MDGA1: variants seen among roughly 807,000 people sequenced by gnomAD.
MDGA1 encodes the protein MAM domain-containing glycosylphosphatidylinositol anchor protein 1.
A neutral mutation model predicts 101.5 loss-of-function variants in MDGA1; 54 were observed. That is an observed-to-expected ratio of 0.53 (90% CI 0.43 to 0.67). The LOEUF is 0.67. Among genes scored for constraint, MDGA1 ranks in the 30% least tolerant of loss-of-function variants. The pLI is 0.00. For missense variants in MDGA1, 1,083 were observed against 1,323.8 expected, an observed-to-expected ratio of 0.82 and a Z score of 2.82; for synonymous variants, 533 against 558.3, an observed-to-expected ratio of 0.95 and a Z score of 0.64.
intron 1 of MDGA1, among the ~76,000 whole-genome samples, chr6:37,684,099 C>G (rs1461509969): frequency 6.6e-6 from 1 of 152,238 alleles, no homozygotes; most frequent in African/African-American, 2.4e-5. Flanking sequence ...GATCAACCAA[C>G]CTGTGCCATC....
chr6:37,653,173 C>T (rs1399472545), intron 6 of MDGA1, among the ~76,000 whole-genome samples: 1 of 152,178 alleles, frequency 6.6e-6, no homozygotes. Context: ...GCTCTACAGC[C>T]ACCCTAAGAG....
intron 1 of MDGA1, among the ~76,000 whole-genome samples, chr6:37,687,094 G>A (rs1253830050): frequency 6.6e-6 from 1 of 152,148 alleles, no homozygotes; most frequent in African/African-American, 2.4e-5. Flanking sequence ...AGGGCCCTGG[G>A]CAAGTCACTC....
chr6:37,640,993 G>A (rs954802144), intron 14 of MDGA1, among the ~76,000 whole-genome samples: 1 of 152,156 alleles, frequency 6.6e-6, no homozygotes, highest in African/African-American at 2.4e-5. Context: ...GCTGGCGAAG[G>A]TGCCTCCACA....
At position 37,636,457 on chromosome 6, in the gene MDGA1, A is replaced by T. The variant is rs995750990; in HGVS notation, c.*911T>A. The T allele has an allele frequency of 3.9e-5, 6 of 152,228 alleles. No individual in the cohort carries two copies. Among genetic ancestry groups the T allele is most frequent in the African/African-American group, 1.4e-4 (6 of 41,464 alleles). The allele number at this position is 152,228 out of a possible 1,614,324, so 9.4% of individuals were successfully genotyped here. On this transcript the variant is annotated 3_prime_UTR_variant, in exon 17 of 17. Transcript: ENST00000434837. ...TGATATGGGGGCACCAAATCACAGA[A>T]GCGGGACGTCTCTTCTGCCTTTCTC...
At position 37,637,406 on chromosome 6, in the gene MDGA1, C is replaced by T. The variant is rs774327519; in HGVS notation, c.2830G>A (p.Gly944Arg). 2.5e-6 allele frequency: 4 copies of T among 1,613,726 alleles called. No homozygotes were observed. Among genetic ancestry groups the T allele is most frequent in the Non-Finnish European group, 8.5e-7 (1 of 1,179,774 alleles). Residue 944 changes from glycine to arginine, a missense_variant, in exon 17 of 17, where the codon GGG becomes AGG. Transcript: ENST00000434837. ...APCQSSPQLW[G>R]PMAIFLLALQ... ...GCCAAGAGGAAGATGGCCATGGGCC[C>T]CCACAGCTGTGGGCTGGACTGGCAG...
At chr6:37,682,544 C>T (rs1003425926) in intron 1 of MDGA1, among the ~76,000 whole-genome samples, 1 of 152,132 alleles carries the variant, frequency 6.6e-6, no homozygotes, top group Non-Finnish European at 1.5e-5. Context: ...ACCTCTAAGC[C>T]CTTTACCTTT....
Position 37,652,526 on chromosome 6 carries a change from T to C in MDGA1, c.983-186A>G, listed in dbSNP as rs578062143. The stretch of plus-strand genomic sequence containing the variant: ...AATTGTTTCATTTGTTCAGATGTGC[T>C]TTAAAAGTTCAAAAAAGGTCACTGC... On this transcript the variant is annotated intron_variant, in intron 6 of 16. Transcript: ENST00000434837. This position sits in a 1 kb window ranked among gnomAD's most constrained non-coding sequence, Gnocchi z 4.3. Among the ~76,000 whole-genome samples, 1 of 152,366 alleles carries C rather than the reference T, an allele frequency of 6.6e-6. No homozygotes were observed. The highest frequency in any genetic ancestry group is 2.1e-4 in the South Asian group (1 of 4,832).
chr6:37,690,115 CCTCA>C (rs1203155039), intron 1 of MDGA1, among the ~76,000 whole-genome samples: 1 of 152,222 alleles, frequency 6.6e-6, no homozygotes, highest in Non-Finnish European at 1.5e-5. Flanking sequence ...ACATTGGACT[CCTCA>C]CTGTTGCTCC....
chr6:37,658,487 G>A (rs1033634856), intron 2 of MDGA1, 68 bp from the exon 3 acceptor site: 6 of 1,436,040 alleles, frequency 4.2e-6, no homozygotes, highest in Non-Finnish European at 3.8e-6. Flanking sequence ...AGCGCTGAGT[G>A]CCCTGCAACG....
chr6:37,673,520 T>C (rs563997010), intron 1 of MDGA1, among the ~76,000 whole-genome samples: 2 of 152,230 alleles, frequency 1.3e-5, no homozygotes, highest in Non-Finnish European at 2.9e-5. Flanking sequence ...TGGGCCTCCT[T>C]CTGCCAGGGA....
At position 37,652,452 on chromosome 6, in the gene MDGA1, A is replaced by AG. The variant is rs752251158; in HGVS notation, c.983-113dup. ...CCCTCTAGCTGGCCCTTCTGGGGAT[A>AG]GGGGGCTACAACTCCCCCAGGTGAA... is the stretch of plus-strand genomic sequence containing the variant. On this transcript the variant is annotated intron_variant, in intron 6 of 16. Coordinates refer to ENST00000434837, the MANE Select transcript of MDGA1 (RefSeq NM_153487.4). The surrounding 1 kb of genome is among the most constrained non-coding windows in gnomAD (Gnocchi z 4.3). 4.0e-4 allele frequency: 284 copies of AG among 712,542 alleles called. 1 individual carries two copies. Among genetic ancestry groups the AG allele is most frequent in the Middle Eastern group, 1.2e-3 (3 of 2,594 alleles). The allele number at this position is 712,542 out of a possible 1,614,324, so 44.1% of individuals were successfully genotyped here. A position where few individuals can be genotyped will look rare whatever the true frequency, so the allele number is the denominator to read the frequency against.
At chr6:37,664,852 C>G (rs1226827152) in intron 1 of MDGA1, among the ~76,000 whole-genome samples, 22 of 95,416 alleles carry the variant, frequency 2.3e-4, no homozygotes, top group Admixed American at 1.0e-3. Context: ...GACACACACA[C>G]ACACACACAC....
intron 14 of MDGA1, 120 bp downstream of exon 14, chr6:37,643,689 A>G: frequency 7.0e-7 from 1 of 1,418,466 alleles, no homozygotes; most frequent in Non-Finnish European, 9.6e-7. Flanking sequence ...AGGACCTCTC[A>G]TTTAGCCAAG....
At chr6:37,691,965 C>T (rs1439328214) in intron 1 of MDGA1, among the ~76,000 whole-genome samples, 1 of 152,218 alleles carries the variant, frequency 6.6e-6, no homozygotes, top group African/African-American at 2.4e-5. Context: ...TAGGGAAAAC[C>T]TGATTCATCT....
intron 1 of MDGA1, among the ~76,000 whole-genome samples, chr6:37,682,250 C>CAA (rs879283611): frequency 4.6e-5 from 7 of 152,112 alleles, no homozygotes; most frequent in Admixed American, 4.6e-4. Flanking sequence ...TTTGGGAGGC[C>CAA]GAGGTGGGCA....
chr6:37,655,318 T>A lies in MDGA1; in HGVS notation c.579+382A>T, dbSNP rs1761458663. 5 of 338,568 alleles carry A rather than the reference T, an allele frequency of 1.5e-5. No individual in the cohort carries two copies. Among genetic ancestry groups the A allele is most frequent in the Non-Finnish European group, 2.7e-5 (5 of 185,140 alleles). 21.0% of individuals were successfully genotyped at this position (338,568 alleles called of 1,614,324 possible). On this transcript the variant is annotated intron_variant, in intron 4 of 16. Coordinates refer to ENST00000434837, the MANE Select transcript of MDGA1 (RefSeq NM_153487.4). This position sits in a 1 kb window ranked among gnomAD's most constrained non-coding sequence, Gnocchi z 5.1. ...TTGGCAGAATGGCATCACCACCATC[T>A]CCTGGGACTATCAGGGCCCATGGGA...
At chr6:37,683,879 C>G (rs887634252) in intron 1 of MDGA1, among the ~76,000 whole-genome samples, 2 of 152,248 alleles carry the variant, frequency 1.3e-5, no homozygotes, top group African/African-American at 4.8e-5. Context: ...TCTGGGGCAA[C>G]CCAAACTAAG....
chr6:37,676,584 T>G (rs1481231276), intron 1 of MDGA1, among the ~76,000 whole-genome samples: 1 of 152,146 alleles, frequency 6.6e-6, no homozygotes, highest in Non-Finnish European at 1.5e-5. Flanking sequence ...GGGAGTCCTT[T>G]CCACAGAGTG....
chr6:37,677,482 C>A (rs184176379), intron 1 of MDGA1, among the ~76,000 whole-genome samples: 1 of 152,290 alleles, frequency 6.6e-6, no homozygotes, highest in East Asian at 1.9e-4. Flanking sequence ...TCCAGCACAT[C>A]GATGCAGGGG....
Sources: gnomAD v4.1 joint callset for allele counts (sites outside exome capture counted in the v4.1 genomes callset) on GRCh38, gnomAD v4.1.1 for gene constraint, Gnocchi (gnomAD v3.1) non-coding constraint, MANE v1.5 for transcripts, NCBI Gene and HGNC (gene_info 2026-07-23, HGNC 2026-07-21) for gene names.